The following F7 variants were observed in gnomAD, a reference collection of about 807,000 sequenced individuals.
F7 encodes the protein coagulation factor VII, also known as FVII coagulation protein.
F7 carries 38 observed loss-of-function variants against 47.5 expected under a neutral mutation model. The observed-to-expected ratio is 0.80, with a 90% CI of 0.62 to 1.05. The LOEUF (loss-of-function observed/expected upper bound fraction) is 1.05, where lower values mean the gene tolerates loss of function less well. Among genes scored for constraint, F7 ranks in the 50% least tolerant of loss-of-function variants. F7 has a pLI of 0.00. For synonymous variants in F7, 244 were observed against 258.5 expected, an observed-to-expected ratio of 0.94 and a Z score of 0.54; for missense variants, 575 against 605.4, an observed-to-expected ratio of 0.95 and a Z score of 0.53.
chr13:113,118,411 A>AGGCGAGCACGACCTC lies in F7; in HGVS notation c.740-1_753dup. ...GGCCTGAGGGGGGCTTCTTCCTTCC[A>AGGCGAGCACGACCTC]GGCGAGCACGACCTCAGCGAGCACG... On this transcript the variant is annotated splice_acceptor_variant, in intron 7 of 7. Transcript: ENST00000346342. LOFTEE classifies it high-confidence loss of function. 6.3e-7 allele frequency: 1 copy of AGGCGAGCACGACCTC among 1,589,562 alleles called. No homozygotes were observed. Among genetic ancestry groups the AGGCGAGCACGACCTC allele is most frequent in the Non-Finnish European group, 8.6e-7 (1 of 1,168,262 alleles).
At chr13:113,109,029 A>G (rs550634495) in intron 1 of F7, among the ~76,000 whole-genome samples, 1 of 3,538 alleles carries the variant, frequency 2.8e-4, no homozygotes. Flanking sequence ...GTCCCGGGGG[A>G]GTGGATGTCC....
Position 113,106,910 on chromosome 13 carries a change from G to C in F7, c.64+1005G>C, listed in dbSNP as rs368272420. 3 of 1,602,490 alleles carry C rather than the reference G, an allele frequency of 1.9e-6. No individual in the cohort carries two copies. In the South Asian group the frequency reaches 3.4e-5, roughly 18 times the overall value. ...GCCGTGGAAGCCGGGGCCTCACAGAGGTGAGCAGGGACTGCCACTGGTTTT... is the reference window on the plus strand; with the variant it reads ...GCCGTGGAAGCCGGGGCCTCACAGACGTGAGCAGGGACTGCCACTGGTTTT... On this transcript the variant is annotated intron_variant, in intron 1 of 7. Coordinates refer to ENST00000346342, the MANE Select transcript of F7 (RefSeq NM_019616.4).
At chr13:113,116,916 T>C (rs760555766) in intron 6 of F7, 41 bp downstream of exon 6, 6 of 1,488,070 alleles carry the variant, frequency 4.0e-6, no homozygotes, top group Non-Finnish European at 5.6e-6. Context: ...GCCCTGAGGG[T>C]CTTGAAGCCT....
chr13:113,115,673 G>T lies in F7; in HGVS notation c.378G>T (p.Gln126His). 6.2e-7 allele frequency: 1 copy of T among 1,613,104 alleles called. No individual in the cohort carries two copies. Among genetic ancestry groups the T allele is most frequent in the Non-Finnish European group, 8.5e-7 (1 of 1,179,946 alleles). The change falls in exon 5 of 8, where the codon CAG (glutamine) becomes CAT (histidine). Residue 126 changes from glutamine (Q) to histidine (H), a missense_variant. Gln to His is a conservative substitution (Grantham distance 24). Coordinates refer to ENST00000346342, the MANE Select transcript of F7 (RefSeq NM_019616.4). ...TCCTGTCCCCAGACAAGGATGACCA[G>T]CTGATCTGTGTGAACGAGAACGGCG... Reference protein sequence around the residue: ...GRNCETHKDDQLICVNENGGC... With the variant: ...GRNCETHKDDHLICVNENGGC...
At position 113,120,036 on chromosome 13, in the gene F7, G is replaced by T. The variant is rs898782518; in HGVS notation, c.*1028G>T. 2.0e-5 allele frequency: 3 copies of T among 152,182 alleles called. No individual in the cohort carries two copies. Among genetic ancestry groups the T allele is most frequent in the Admixed American group, 6.5e-5 (1 of 15,284 alleles). The allele number at this position is 152,182 out of a possible 1,614,324, so 9.4% of individuals were successfully genotyped here. A position where few individuals can be genotyped will look rare whatever the true frequency, so the allele number is the denominator to read the frequency against. ...CACCTGTGGTGCCTGCCACCCACTG[G>T]GTTGCCCATGATTCATTTTTGGAGC... On this transcript the variant is annotated 3_prime_UTR_variant, in exon 8 of 8. Coordinates refer to ENST00000346342, the MANE Select transcript of F7 (RefSeq NM_019616.4).
intron 1 of F7, among the ~76,000 whole-genome samples, chr13:113,107,304 C>A (rs1176988504): frequency 9.7e-6 from 1 of 103,590 alleles, no homozygotes; most frequent in Admixed American, 9.7e-5. Context: ...GTGGGTGTCC[C>A]GGGGGCGTGG....
At position 113,119,109 on chromosome 13, in the gene F7, C is replaced by T. The variant is rs2036255221; in HGVS notation, c.*101C>T. 3 of 629,002 alleles carry T rather than the reference C, an allele frequency of 4.8e-6. No homozygotes were observed. The highest frequency in any genetic ancestry group is 8.1e-6 in the Non-Finnish European group (3 of 368,868). The allele number at this position is 629,002 out of a possible 1,614,324, so 39.0% of individuals were successfully genotyped here. On this transcript the variant is annotated 3_prime_UTR_variant, in exon 8 of 8. Coordinates refer to ENST00000346342, the MANE Select transcript of F7 (RefSeq NM_019616.4). ...CTGCAGTTAATGGGGTAGAGGAGGG[C>T]ATGGGAGGGAGGGAGAGGTGGGGAG...
Position 113,119,058 on chromosome 13 carries a change from C to T in F7, c.*50C>T. On this transcript the variant is annotated 3_prime_UTR_variant, in exon 8 of 8. Transcript: ENST00000346342. Reference sequence around the variant, plus strand: ...GAAAGCCAAGGCTGCGTCGAACTGTCCTGGCACCAAATCCCATATATTCTT... The same window carrying T: ...GAAAGCCAAGGCTGCGTCGAACTGTTCTGGCACCAAATCCCATATATTCTT... 6.4e-7 allele frequency: 1 copy of T among 1,555,106 alleles called. No homozygotes were observed. Among genetic ancestry groups the T allele is most frequent in the South Asian group, 1.1e-5 (1 of 88,796 alleles).
intron 1 of F7, 39 bp from the exon 2 acceptor site, chr13:113,110,651 G>A: frequency 6.5e-7 from 1 of 1,547,366 alleles, no homozygotes; most frequent in Non-Finnish European, 8.7e-7. Flanking sequence ...CACTGGGCGG[G>A]GCACGCGGTG....
intron 6 of F7, 113 bp from the exon 7 acceptor site, chr13:113,117,360 T>C (rs1410950203): frequency 1.9e-6 from 3 of 1,542,414 alleles, no homozygotes; most frequent in Non-Finnish European, 2.6e-6. Flanking sequence ...GACCCCAGGA[T>C]TTCAGAAAGA....
At chr13:113,115,595 C>T in intron 4 of F7, 65 bp from the exon 5 acceptor site, 1 of 1,570,334 alleles carries the variant, frequency 6.4e-7, no homozygotes, top group South Asian at 1.2e-5. Context: ...GGCATGGCCA[C>T]CCCGGGGGCT....
At chr13:113,107,922 CGTGGGTGTCCCGGGGGT>C (rs2036000193) in intron 1 of F7, among the ~76,000 whole-genome samples, 2 of 73,036 alleles carry the variant, frequency 2.7e-5, no homozygotes, top group Non-Finnish European at 5.7e-5. Flanking sequence ...GTCCCAGGGG[CGTGGGTGTCCCGGGGGT>C]GTGGGTGTCC....
chr13:113,117,750 T>G (rs955948502), intron 7 of F7, among the ~76,000 whole-genome samples, 154 bp downstream of exon 7: 3 of 147,954 alleles, frequency 2.0e-5, no homozygotes, highest in African/African-American at 7.6e-5. Flanking sequence ...GCTGGGTGGG[T>G]GCCACTCTCC....
Position 113,105,840 on chromosome 13 carries a change from T to A in F7, c.-2T>A, listed in dbSNP as rs1380287003. The A allele has an allele frequency of 6.3e-7, 1 of 1,586,532 alleles. No individual in the cohort carries two copies. ...CAGGGGCAGCACTGCAGAGATTTCA[T>A]CATGGTCTCCCAGGCCCTCAGGCTC... On this transcript the variant is annotated 5_prime_UTR_variant, in exon 1 of 8. Coordinates refer to ENST00000346342, the MANE Select transcript of F7 (RefSeq NM_019616.4).
At position 113,116,355 on chromosome 13, in the gene F7, T is replaced by C. The variant is rs3093245; in HGVS notation, c.506-411T>C. 5.0e-3 allele frequency among the ~76,000 whole-genome samples: 765 copies of C among 152,322 alleles called. 7 individuals carry two copies. The highest frequency in any genetic ancestry group is 0.017 in the African/African-American group (727 of 41,564). ...GGGCTTCCTTTCTGGCCCAAGACCT[T>C]GATTGAAGCAGATCAAAACTAAGCA... is the stretch of plus-strand genomic sequence containing the variant. On this transcript the variant is annotated intron_variant, in intron 5 of 7. Transcript: ENST00000346342.
In F7 at chr13:113,114,445, C is replaced by T. The variant is rs376632571; in HGVS notation, c.364+485C>T. ...CATAGAATCCACTGAAGTGGATACA[C>T]TCACAGGTACCGTTTATTACAGCAA... On this transcript the variant is annotated intron_variant, in intron 4 of 7. Transcript: ENST00000346342. The T allele has an allele frequency of 1.0e-4, 22 of 216,340 alleles. No individual in the cohort carries two copies. In the East Asian group the frequency reaches 1.6e-3, roughly 16 times the overall value. The allele number at this position is 216,340 out of a possible 1,614,324, so 13.4% of individuals were successfully genotyped here.
chr13:113,110,875 G>A, intron 2 of F7, 25 bp downstream of exon 2: 1 of 1,550,140 alleles, frequency 6.5e-7, no homozygotes, highest in East Asian at 2.4e-5. Context: ...GGGGCGCCCC[G>A]CGCCGCGGAC....
In F7 at chr13:113,110,906, A is replaced by G. The variant is rs2036080315; in HGVS notation, c.225+56A>G. 16 of 1,527,448 alleles carry G rather than the reference A, an allele frequency of 1.0e-5. 1 individual carries two copies. In the South Asian group the frequency reaches 2.0e-4, roughly 19 times the overall value. 94.6% of individuals were successfully genotyped at this position (1,527,448 alleles called of 1,614,324 possible). ...CGGACACTGCAGGCGGCGGTGAACC[A>G]GGCCGCGTGGGGCCGCCTGCGTCTC... is the stretch of plus-strand genomic sequence containing the variant. On this transcript the variant is annotated intron_variant, in intron 2 of 7. Transcript: ENST00000346342.
chr13:113,117,718 C>T (rs952364524), intron 7 of F7, 122 bp downstream of exon 7: 17 of 1,516,456 alleles, frequency 1.1e-5, no homozygotes, highest in Non-Finnish European at 1.3e-5. Flanking sequence ...GTGGGTGCCA[C>T]TCTCCCCTGT....
Sources: allele counts gnomAD v4.1 joint callset (sites outside exome capture counted in the v4.1 genomes callset), GRCh38; gene constraint gnomAD v4.1.1; transcripts MANE v1.5; gene names NCBI Gene and HGNC (gene_info 2026-07-23, HGNC 2026-07-21).